Variants in GRB2 observed in about 807,000 individuals in gnomAD.
The protein encoded by GRB2 is growth factor receptor-bound protein 2.
A neutral mutation model predicts 27.4 loss-of-function variants in GRB2; 2 were observed. The ratio of observed to expected loss-of-function variants is 0.07; its 90% CI spans 0.03 to 0.23. GRB2 has a LOEUF of 0.23. GRB2 is among the 10% of genes least tolerant of loss of function. The probability of loss-of-function intolerance (pLI) is 1.00; values close to 1 mark genes in which losing one functional copy is unlikely to be tolerated. For synonymous variants in GRB2, 94 were observed against 99.6 expected, an observed-to-expected ratio of 0.94 and a Z score of 0.33; for missense variants, 102 against 282.4, an observed-to-expected ratio of 0.36 and a Z score of 4.58.
chr17:75,404,277 G>C (rs2079083304), intron 1 of GRB2, among the ~76,000 whole-genome samples: 1 of 152,132 alleles, frequency 6.6e-6, no homozygotes, highest in Non-Finnish European at 1.5e-5. Flanking sequence ...ATTTCTTAGG[G>C]ATGAATTCAA....
intron 2 of GRB2, among the ~76,000 whole-genome samples, chr17:75,364,193 G>C (rs2078804757): frequency 6.6e-6 from 1 of 152,120 alleles, no homozygotes. Flanking sequence ...AAGCTGCCTT[G>C]TACATTGCCT....
At chr17:75,372,008 C>T (rs943517498) in intron 2 of GRB2, 1 of 152,112 alleles carries the variant, frequency 6.6e-6, no homozygotes, top group Admixed American at 6.5e-5. Flanking sequence ...AAACACAGTT[C>T]TGAAAAGAAA....
rs71159500 is a variant in GRB2 at position 75,374,403 on chromosome 17, C to CG, written c.78+19147_78+19148insC. ...TGGGAGACAGAGTAAGACTCCATAT[C>CG]AAAAAAAAAAAAAAAAAAAAAGAAT... is the stretch of plus-strand genomic sequence containing the variant. On this transcript the variant is annotated intron_variant, in intron 2 of 5. Coordinates refer to ENST00000316804, the MANE Select transcript of GRB2 (RefSeq NM_002086.5). Among the ~76,000 whole-genome samples, 4 of 88,800 alleles carry CG rather than the reference C, an allele frequency of 4.5e-5. No individual in the cohort carries two copies. The Admixed American group carries it at 5.5e-4, about 12-fold the overall frequency. The allele number at this position is 88,800 out of a possible 152,430, so 58.3% of individuals were successfully genotyped here.
chr17:75,375,604 G>A (rs769959206), intron 2 of GRB2, among the ~76,000 whole-genome samples: 21 of 152,118 alleles, frequency 1.4e-4, no homozygotes, highest in East Asian at 9.6e-4. Context: ...GAAATCAGCC[G>A]GGCACAGTGG....
chr17:75,392,353 G>A (rs1311206119), intron 2 of GRB2, among the ~76,000 whole-genome samples: 1 of 152,066 alleles, frequency 6.6e-6, no homozygotes, highest in Non-Finnish European at 1.5e-5. Context: ...CTCTTTAAAG[G>A]GCTCTGCAGC....
At chr17:75,325,061 C>T (rs566271796) in intron 4 of GRB2, among the ~76,000 whole-genome samples, 1 of 151,906 alleles carries the variant, frequency 6.6e-6, no homozygotes, top group Admixed American at 6.6e-5. Context: ...GGGGACAGAG[C>T]GAGACTCTGT....
rs79372651 is a variant in GRB2 at position 75,368,628 on chromosome 17, C to T, written c.78+24923G>A. Among the ~76,000 whole-genome samples, 184 of 151,920 alleles carry T rather than the reference C, an allele frequency of 1.2e-3. 3 individuals carry two copies. The East Asian group carries it at 0.03, about 25-fold the overall frequency. ...ATAGCTCACTGCAGTCTCAACCTCC[C>T]GGCTCAAATGATCCTCCCAGATCCT... On this transcript the variant is annotated intron_variant, in intron 2 of 5. Coordinates refer to ENST00000316804, the MANE Select transcript of GRB2 (RefSeq NM_002086.5).
At chr17:75,397,490 T>C (rs1217599070) in intron 1 of GRB2, among the ~76,000 whole-genome samples, 1 of 152,238 alleles carries the variant, frequency 6.6e-6, no homozygotes, top group African/African-American at 2.4e-5. Context: ...CAATGTCTAC[T>C]GTATCCAAAA....
intron 2 of GRB2, among the ~76,000 whole-genome samples, chr17:75,341,130 T>C (rs1404627405): frequency 2.6e-5 from 4 of 152,132 alleles, no homozygotes; most frequent in Non-Finnish European, 5.9e-5. Flanking sequence ...AATGCATTTA[T>C]GAAGTTTTAA....
At chr17:75,348,896 G>A (rs2078671120) in intron 2 of GRB2, among the ~76,000 whole-genome samples, 2 of 152,116 alleles carry the variant, frequency 1.3e-5, no homozygotes, top group Non-Finnish European at 2.9e-5. Context: ...GGCTGGTTTC[G>A]AACTCCTGAG....
At chr17:75,399,144 C>T (rs894216055) in intron 1 of GRB2, among the ~76,000 whole-genome samples, 2 of 151,472 alleles carry the variant, frequency 1.3e-5, no homozygotes, top group Non-Finnish European at 2.9e-5. Flanking sequence ...AACTCCTTGG[C>T]TCAAGCCATC....
chr17:75,345,340 C>T (rs926621054), intron 2 of GRB2, among the ~76,000 whole-genome samples: 25 of 152,186 alleles, frequency 1.6e-4, no homozygotes, highest in African/African-American at 5.1e-4. Flanking sequence ...CACCGCACCC[C>T]GCCCGACAAC....
At chr17:75,377,863 T>C (rs1242766232) in intron 2 of GRB2, among the ~76,000 whole-genome samples, 1 of 151,964 alleles carries the variant, frequency 6.6e-6, no homozygotes, top group African/African-American at 2.4e-5. Flanking sequence ...GCCAAGATCA[T>C]GACACTACAC....
chr17:75,385,044 A>AGC (rs1567874244), intron 2 of GRB2, among the ~76,000 whole-genome samples: 8 of 85,162 alleles, frequency 9.4e-5, no homozygotes, highest in East Asian at 5.1e-4. Context: ...AAAAAAAAAA[A>AGC]AAAAAAAAAA....
At chr17:75,343,049 C>CAAAAA (rs56264803) in intron 2 of GRB2, among the ~76,000 whole-genome samples, 3 of 58,596 alleles carry the variant, frequency 5.1e-5, no homozygotes, top group South Asian at 8.8e-4. Flanking sequence ...AACCTTGTCT[C>CAAAAA]AAAAAAAAAA....
At chr17:75,358,626 A>G (rs1205729542) in intron 2 of GRB2, among the ~76,000 whole-genome samples, 1 of 138,298 alleles carries the variant, frequency 7.2e-6, no homozygotes, top group African/African-American at 2.6e-5. Flanking sequence ...GCACTTTGGG[A>G]GGCTGAGGCA....
intron 2 of GRB2, among the ~76,000 whole-genome samples, chr17:75,337,901 C>CTACTACTACTACTATTAT (rs1375563317): frequency 2.0e-4 from 24 of 117,388 alleles, no homozygotes; most frequent in East Asian, 4.1e-4. Flanking sequence ...ACTACTACTA[C>CTACTACTACTACTATTAT]TATTATTATT....
chr17:75,353,614 G>A (rs1383681385), intron 2 of GRB2, among the ~76,000 whole-genome samples: 4 of 151,680 alleles, frequency 2.6e-5, no homozygotes, highest in South Asian at 2.1e-4. Flanking sequence ...ACAAAAATTC[G>A]CCAGGTGTGG....
intron 1 of GRB2, among the ~76,000 whole-genome samples, chr17:75,396,166 A>C (rs1244893591): frequency 1.3e-5 from 2 of 151,682 alleles, no homozygotes; most frequent in Non-Finnish European, 2.9e-5. Flanking sequence ...CAATCCTTAG[A>C]TTTTTCCCAG....
Sources: allele counts gnomAD v4.1 joint callset (sites outside exome capture counted in the v4.1 genomes callset), GRCh38; gene constraint gnomAD v4.1.1; transcripts MANE v1.5; gene names NCBI Gene and HGNC (gene_info 2026-07-23, HGNC 2026-07-21).